ZNF563: variants seen among roughly 807,000 people sequenced by gnomAD.
ZNF563 encodes zinc finger protein 563.
ZNF563 carries 39 observed loss-of-function variants against 48.5 expected under a neutral mutation model. The observed-to-expected ratio is 0.80, with a 90% CI of 0.62 to 1.05. The LOEUF is 1.05. ZNF563 is among the 50% of genes least tolerant of loss of function. The probability of loss-of-function intolerance (pLI) is 0.00; values close to 1 mark genes in which losing one functional copy is unlikely to be tolerated. For missense variants in ZNF563, 538 were observed against 597.0 expected, an observed-to-expected ratio of 0.90 and a Z score of 1.03; for synonymous variants, 168 against 187.9, an observed-to-expected ratio of 0.89 and a Z score of 0.87.
the ZNF563 span, among the ~76,000 whole-genome samples, chr19:12,343,920 T>G: frequency 6.6e-6 from 1 of 151,664 alleles, no homozygotes; most frequent in Non-Finnish European, 1.5e-5. Context: ...TTAGTAGAGA[T>G]GGGTTTCACC....
At chr19:12,335,769 G>C (rs28817978), upstream of ZNF563, among the ~76,000 whole-genome samples, 7,419 of 152,280 alleles carry the variant, frequency 0.049, 601 homozygotes, top group African/African-American at 0.17. Context: ...CACTCAGTCT[G>C]TTAGCATTGG....
In ZNF563 at chr19:12,318,796, C is replaced by T; in HGVS notation, c.1229G>A (p.Arg410Lys). The T allele has an allele frequency of 1.9e-6, 3 of 1,612,362 alleles. No homozygotes were observed. The highest frequency in any genetic ancestry group is 2.5e-6 in the Non-Finnish European group (3 of 1,179,562). Residue 410 changes from arginine to lysine, a missense_variant, in exon 4 of 4, where the codon AGA becomes AAA. Arg to Lys is a conservative substitution (Grantham distance 26, BLOSUM62 2). Transcript: ENST00000293725. ...KAFVYPSVCQ[R>K]HEKSHSGEKP... is the part of the protein sequence containing the mutation. ...CTCTCCACTGTGAGACTTTTCGTGT[C>T]TTTGACATACACTAGGATAAACAAA...
upstream of ZNF563, among the ~76,000 whole-genome samples, chr19:12,337,426 C>T (rs1485247464): frequency 6.6e-6 from 1 of 152,022 alleles, no homozygotes; most frequent in East Asian, 1.9e-4. Context: ...CTGGTCTAAA[C>T]TCTTAGACTC....
chr19:12,329,942 C>T (rs904026161), intron 1 of ZNF563, among the ~76,000 whole-genome samples: 21 of 149,474 alleles, frequency 1.4e-4, no homozygotes, highest in African/African-American at 3.9e-4. Flanking sequence ...TTTTTTGAGA[C>T]GGAGTTTTGC....
At chr19:12,321,128 A>C in intron 3 of ZNF563, 144 bp downstream of exon 3, 3 of 531,560 alleles carry the variant, frequency 5.6e-6, no homozygotes, top group East Asian at 3.6e-5. Flanking sequence ...CAACAGAGCA[A>C]GGCCCTGACT....
chr19:12,333,559 GC>G lies in ZNF563; in HGVS notation c.-78del. 1 of 1,594,406 alleles carries G rather than the reference GC, an allele frequency of 6.3e-7. No individual in the cohort carries two copies. On this transcript the variant is annotated 5_prime_UTR_variant, in exon 1 of 4. Transcript: ENST00000293725. The stretch of plus-strand genomic sequence containing the variant: ...TGCGGGTCCCACTGTGACAGAGGCT[GC>G]CACAGACGTTCCAGGGCGTCTCTCA...
chr19:12,321,238 A>G (rs1968613393), intron 3 of ZNF563, 34 bp downstream of exon 3: 1 of 1,454,238 alleles, frequency 6.9e-7, no homozygotes, highest in Admixed American at 1.9e-5. Context: ...GAATCACTTC[A>G]GAAACATAAC....
Position 12,319,267 on chromosome 19 carries a change from T to C in ZNF563, c.758A>G (p.Tyr253Cys). The C allele has an allele frequency of 6.2e-7, 1 of 1,614,114 alleles. No homozygotes were observed. The highest frequency in any genetic ancestry group is 8.5e-7 in the Non-Finnish European group (1 of 1,179,978). The stretch of plus-strand genomic sequence containing the variant: ...GGCTTTAGAACACTGCTTACATTCA[T>C]ACGGTTTCTCCCCAGTGTGCATTCT... ...HERMHTGEKP[Y>C]ECKQCSKALP... Residue 253 changes from tyrosine to cysteine, a missense_variant, in exon 4 of 4, where the codon TAT becomes TGT. Coordinates refer to ENST00000293725, the MANE Select transcript of ZNF563 (RefSeq NM_145276.3).
Position 12,319,400 on chromosome 19 carries a change from GC to G in ZNF563, c.624del (p.Trp208CysfsTer62). The G allele has an allele frequency of 6.2e-7, 1 of 1,614,054 alleles. No homozygotes were observed. The highest frequency in any genetic ancestry group is 1.1e-5 in the South Asian group (1 of 91,082). ...CTTTCATGCATACGTAATAAACTGG[GC>G]CAAAAAAAAGCTTTCCCACACAACT... Reference protein sequence around the residue: ...KCKLCGKAFFWPSLLRMHERT... With the variant: ...KCKLCGKAFFXPSLLRMHERT... On this transcript the variant is annotated frameshift_variant, in exon 4 of 4. Transcript: ENST00000293725. LOFTEE classifies it high-confidence loss of function.
intron 2 of ZNF563, among the ~76,000 whole-genome samples, chr19:12,321,551 TCTC>T (rs1293224232): frequency 2.6e-5 from 4 of 152,140 alleles, no homozygotes; most frequent in African/African-American, 7.2e-5. Context: ...TTCAAGCGAT[TCTC>T]CTGCCTCAGC....
intron 1 of ZNF563, among the ~76,000 whole-genome samples, chr19:12,325,219 T>C (rs1390253671): frequency 6.6e-6 from 1 of 152,098 alleles, no homozygotes; most frequent in Non-Finnish European, 1.5e-5. Context: ...CGGTGGCTCA[T>C]GCCTGTAATC....
At chr19:12,328,820 T>C (rs1968857928) in intron 1 of ZNF563, among the ~76,000 whole-genome samples, 1 of 151,448 alleles carries the variant, frequency 6.6e-6, no homozygotes. Flanking sequence ...TTATATAAAA[T>C]ATGTAATCAG....
chr19:12,341,972 C>T, the ZNF563 span, among the ~76,000 whole-genome samples: 1 of 152,174 alleles, frequency 6.6e-6, no homozygotes, highest in African/African-American at 2.4e-5. Context: ...ACATAAAACA[C>T]AAAAGGTCTT....
chr19:12,322,780 T>A (rs1346074180), intron 1 of ZNF563, 69 bp from the exon 2 acceptor site: 3 of 1,440,236 alleles, frequency 2.1e-6, no homozygotes, highest in Admixed American at 4.5e-5. Context: ...ACTCAGTTCA[T>A]AAACTTCATA....
At chr19:12,332,821 T>C (rs1293903363) in intron 1 of ZNF563, among the ~76,000 whole-genome samples, 1 of 152,204 alleles carries the variant, frequency 6.6e-6, no homozygotes, top group African/African-American at 2.4e-5. Flanking sequence ...AGGCTTCCCA[T>C]GGCCTCCCTT....
In ZNF563 at chr19:12,319,846, A is replaced by G. The variant is rs747216700; in HGVS notation, c.192-13T>C. On this transcript the variant is annotated splice_polypyrimidine_tract_variant and intron_variant, in intron 3 of 3. Transcript: ENST00000293725. ...TACCATATGACATCTGTAAAAAATG[A>G]GTAGTACGTTACTAAATAGTTGTTT... The G allele has an allele frequency of 3.1e-6, 5 of 1,603,120 alleles. No individual in the cohort carries two copies. The South Asian group carries it at 4.4e-5, about 14-fold the overall frequency.
the ZNF563 span, among the ~76,000 whole-genome samples, chr19:12,340,100 C>T: frequency 2.6e-5 from 4 of 152,068 alleles, no homozygotes; most frequent in Admixed American, 1.3e-4. Context: ...TTTGGGAGGC[C>T]GACATGGGCA....
chr19:12,335,918 A>G (rs1476151975), upstream of ZNF563, among the ~76,000 whole-genome samples: 2 of 152,248 alleles, frequency 1.3e-5, no homozygotes, highest in Non-Finnish European at 2.9e-5. Flanking sequence ...TAAAATTTGT[A>G]TGCTTTTCCT....
chr19:12,320,986 A>G (rs75935862), intron 3 of ZNF563, among the ~76,000 whole-genome samples: 50 of 152,092 alleles, frequency 3.3e-4, no homozygotes, highest in East Asian at 5.9e-4. Context: ...CAAAAAATAC[A>G]AAAATTAACG....
Sources: allele counts gnomAD v4.1 joint callset (sites outside exome capture counted in the v4.1 genomes callset), GRCh38; gene constraint gnomAD v4.1.1; transcripts MANE v1.5; gene names NCBI Gene and HGNC (gene_info 2026-07-23, HGNC 2026-07-21).